Variants in GABRB2 observed in about 807,000 individuals in gnomAD.
GABRB2 encodes gamma-aminobutyric acid receptor subunit beta-2.
GABRB2 carries 16 observed loss-of-function variants against 54.7 expected under a neutral mutation model. The ratio of observed to expected loss-of-function variants is 0.29; its 90% confidence interval spans 0.20 to 0.44. GABRB2 has a LOEUF of 0.44. Ranked by LOEUF, GABRB2 falls within the 20% of genes least tolerant of loss-of-function variation. The probability of loss-of-function intolerance (pLI) is 1.00; values close to 1 mark genes in which losing one functional copy is unlikely to be tolerated. For missense variants in GABRB2, 355 were observed against 644.0 expected (o/e 0.55, Z 4.86); for synonymous variants, 244 against 233.8 (o/e 1.04, Z -0.40).
At chr5:161,539,865 T>A (rs755241032) in intron 3 of GABRB2, among the ~76,000 whole-genome samples, 17 of 152,226 alleles carry the variant, frequency 1.1e-4, no homozygotes, top group Non-Finnish European at 2.4e-4. Context: ...AATAGCATCA[T>A]GTTAAAAATG....
At chr5:161,341,585 A>G (rs1754156927) in intron 5 of GABRB2, among the ~76,000 whole-genome samples, 1 of 151,766 alleles carries the variant, frequency 6.6e-6, no homozygotes. Flanking sequence ...ATAAAAATCT[A>G]TAAAATATAT....
chr5:161,519,919 T>C (rs1760066346), intron 3 of GABRB2, among the ~76,000 whole-genome samples: 1 of 152,188 alleles, frequency 6.6e-6, no homozygotes, highest in Non-Finnish European at 1.5e-5. Context: ...AAACTATATT[T>C]GATATTTTAA....
chr5:161,528,895 C>T (rs1760368962), intron 3 of GABRB2, among the ~76,000 whole-genome samples: 1 of 151,826 alleles, frequency 6.6e-6, no homozygotes, highest in African/African-American at 2.4e-5. Flanking sequence ...TCTTGAAATA[C>T]AACACAATTG....
chr5:161,508,002 C>T (rs1295756329), intron 3 of GABRB2, among the ~76,000 whole-genome samples: 1 of 151,894 alleles, frequency 6.6e-6, no homozygotes, highest in Non-Finnish European at 1.5e-5. Flanking sequence ...CTTGTAGGTA[C>T]TTACCCAAGA....
chr5:161,369,422 T>A (rs1190132478), intron 5 of GABRB2, among the ~76,000 whole-genome samples: 1 of 152,162 alleles, frequency 6.6e-6, no homozygotes, highest in Non-Finnish European at 1.5e-5. Flanking sequence ...TATGAGTGAA[T>A]AGCCTCTTTT....
At chr5:161,392,834 G>A (rs1474176656) in intron 5 of GABRB2, among the ~76,000 whole-genome samples, 1 of 152,130 alleles carries the variant, frequency 6.6e-6, no homozygotes, top group Non-Finnish European at 1.5e-5. Flanking sequence ...AGAGGGTTAA[G>A]TAAATCTACA....
At chr5:161,429,609 C>G (rs1757117317) in intron 4 of GABRB2, among the ~76,000 whole-genome samples, 3 of 151,986 alleles carry the variant, frequency 2.0e-5, no homozygotes, top group African/African-American at 4.8e-5. Context: ...GAGATTTAAA[C>G]CTGGTGAAGG....
intron 3 of GABRB2, among the ~76,000 whole-genome samples, chr5:161,488,144 G>T (rs1758983555): frequency 6.6e-6 from 1 of 151,654 alleles, no homozygotes; most frequent in South Asian, 2.1e-4. Flanking sequence ...GGGTCAAAAT[G>T]ATTTGGATGA....
intron 4 of GABRB2, among the ~76,000 whole-genome samples, chr5:161,436,544 A>G (rs900408684): frequency 5.2e-4 from 79 of 151,760 alleles, no homozygotes; most frequent in East Asian, 3.9e-4. Flanking sequence ...AAAAAAAAAA[A>G]AGAGAGAGAA....
chr5:161,517,740 A>G (rs1325423327), intron 3 of GABRB2, among the ~76,000 whole-genome samples: 1 of 152,180 alleles, frequency 6.6e-6, no homozygotes, highest in Non-Finnish European at 1.5e-5. Flanking sequence ...GCCAAATCTA[A>G]TCAACACATC....
chr5:161,531,594 C>G (rs1171624503), intron 3 of GABRB2, among the ~76,000 whole-genome samples: 1 of 151,996 alleles, frequency 6.6e-6, no homozygotes, highest in Non-Finnish European at 1.5e-5. Context: ...TGACTATATT[C>G]ATAGAAAACA....
intron 5 of GABRB2, among the ~76,000 whole-genome samples, chr5:161,364,094 C>T (rs1754905696): frequency 6.6e-6 from 1 of 152,046 alleles, no homozygotes; most frequent in Non-Finnish European, 1.5e-5. Flanking sequence ...CCAGGAGTAA[C>T]ATGTGCAAGT....
chr5:161,403,784 T>C (rs1460475969), intron 5 of GABRB2, among the ~76,000 whole-genome samples: 2 of 152,124 alleles, frequency 1.3e-5, no homozygotes, highest in African/African-American at 4.8e-5. Flanking sequence ...TAATAATTTA[T>C]TTAGAATAAA....
chr5:161,344,387 G>A (rs1346908475), intron 5 of GABRB2, among the ~76,000 whole-genome samples: 1 of 151,996 alleles, frequency 6.6e-6, no homozygotes, highest in Non-Finnish European at 1.5e-5. Flanking sequence ...GCCTCATTAG[G>A]CTAAGAATAC....
chr5:161,463,606 A>G (rs1758194121), intron 3 of GABRB2, among the ~76,000 whole-genome samples: 1 of 96,512 alleles, frequency 1.0e-5, no homozygotes, highest in Non-Finnish European at 2.2e-5. Flanking sequence ...TATATGAAAG[A>G]GAATAGCCAA....
intron 3 of GABRB2, among the ~76,000 whole-genome samples, chr5:161,468,752 C>A (rs73800518): frequency 0.16 from 24,876 of 151,674 alleles, 2,124 homozygotes; most frequent in East Asian, 0.2. Context: ...AAAAAACCCC[C>A]CAAATTATTA....
intron 6 of GABRB2, 35 bp downstream of exon 6, chr5:161,336,597 A>T (rs376866227): frequency 1.0e-5 from 16 of 1,605,340 alleles, no homozygotes; most frequent in Non-Finnish European, 1.4e-5. Flanking sequence ...TACGGTGAAG[A>T]TTATTTTCCC....
chr5:161,516,629 T>C (rs1414290610), intron 3 of GABRB2, among the ~76,000 whole-genome samples: 1 of 151,128 alleles, frequency 6.6e-6, no homozygotes, highest in African/African-American at 2.4e-5. Context: ...TGCTGTAGGG[T>C]TTGCAAATAA....
intron 4 of GABRB2, among the ~76,000 whole-genome samples, chr5:161,455,785 A>G (rs1757938250): frequency 6.6e-6 from 1 of 152,024 alleles, no homozygotes; most frequent in Admixed American, 6.6e-5. Flanking sequence ...TGCCCACCTC[A>G]GCCTCCCAAA....
Sources: allele counts gnomAD v4.1 joint callset (sites outside exome capture counted in the v4.1 genomes callset), GRCh38; gene constraint gnomAD v4.1.1; transcripts MANE v1.5; gene names NCBI Gene and HGNC (gene_info 2026-07-23, HGNC 2026-07-21).